The following GAREM1 variants were observed in gnomAD, a reference collection of about 807,000 sequenced individuals.
GAREM1 encodes the protein GRB2 associated regulator of MAPK1 subtype 1.
A neutral mutation model predicts 71.3 loss-of-function variants in GAREM1; 26 were observed. That is an observed-to-expected ratio of 0.36 (90% CI 0.27 to 0.51). GAREM1 has a LOEUF of 0.51. Ranked by LOEUF, GAREM1 falls within the 20% of genes least tolerant of loss-of-function variation. GAREM1 has a pLI of 0.95. For synonymous variants in GAREM1, 440 were observed against 433.2 expected, an observed-to-expected ratio of 1.02 and a Z score of -0.20; for missense variants, 1,026 against 1,103.1, an observed-to-expected ratio of 0.93 and a Z score of 0.99.
At chr18:32,461,340 T>C (rs1212347094) in intron 1 of GAREM1, among the ~76,000 whole-genome samples, 1 of 152,176 alleles carries the variant, frequency 6.6e-6, no homozygotes, top group Non-Finnish European at 1.5e-5. Flanking sequence ...GCAATTCTTA[T>C]GAAACTGGGA....
At chr18:32,366,722 G>A (rs1186724509) in intron 2 of GAREM1, among the ~76,000 whole-genome samples, 2 of 152,222 alleles carry the variant, frequency 1.3e-5, no homozygotes, top group Non-Finnish European at 2.9e-5. Context: ...GGGCAGTTAT[G>A]CAATAAAGAG....
rs550406036 is a variant in GAREM1 at position 32,412,112 on chromosome 18, C to T, written c.122-19077G>A. ...ACATGTCTTCTTTGTAGCAGCTAGG[C>T]CCTGCCACCACTGTGCTTGGCTGAG... On this transcript the variant is annotated intron_variant, in intron 1 of 5. Transcript: ENST00000269209. The T allele has an allele frequency of 7.5e-6, 6 of 799,294 alleles. No homozygotes were observed. In the African/African-American group the frequency reaches 1.0e-4, roughly 13 times the overall value. The allele number at this position is 799,294 out of a possible 1,614,324, so 49.5% of individuals were successfully genotyped here.
chr18:32,368,727 T>C (rs897139952), intron 2 of GAREM1, among the ~76,000 whole-genome samples: 13 of 152,242 alleles, frequency 8.5e-5, no homozygotes, highest in Non-Finnish European at 1.2e-4. Context: ...CTTTTCTAGC[T>C]CATTCTTTCA....
intron 2 of GAREM1, among the ~76,000 whole-genome samples, chr18:32,351,957 T>C (rs2144593466): frequency 6.6e-6 from 1 of 152,312 alleles, no homozygotes; most frequent in African/African-American, 2.4e-5. Flanking sequence ...TGAAAGACAT[T>C]TTTGGTACAA....
In GAREM1 at chr18:32,412,375, T is replaced by A. The variant is rs1207856878; in HGVS notation, c.122-19340A>T. The A allele has an allele frequency of 2.5e-6, 4 of 1,590,322 alleles. No homozygotes were observed. The East Asian group carries it at 8.9e-5, about 35-fold the overall frequency. On this transcript the variant is annotated intron_variant, in intron 1 of 5. Coordinates refer to ENST00000269209, the MANE Select transcript of GAREM1 (RefSeq NM_001242409.2). ...ATGGGTCCAAAATTTGAAGACTGAT[T>A]GTTGTAATTGCCAAAATCATTGTAG... is the stretch of plus-strand genomic sequence containing the variant.
chr18:32,429,562 C>T (rs969553870), intron 1 of GAREM1, among the ~76,000 whole-genome samples: 18 of 152,108 alleles, frequency 1.2e-4, no homozygotes, highest in Non-Finnish European at 1.8e-4. Context: ...GTTGCTACCA[C>T]GATATTTTTG....
At chr18:32,312,761 T>C (rs1334919432) in intron 2 of GAREM1, among the ~76,000 whole-genome samples, 1 of 151,902 alleles carries the variant, frequency 6.6e-6, no homozygotes, top group Non-Finnish European at 1.5e-5. Context: ...ACAGGAGAAA[T>C]GATTGGAACC....
intron 1 of GAREM1, among the ~76,000 whole-genome samples, chr18:32,401,192 G>C (rs976337109): frequency 1.1e-4 from 16 of 152,208 alleles, no homozygotes; most frequent in Non-Finnish European, 1.9e-4. Context: ...GGGGGGAGAG[G>C]GGAGGGATAG....
At chr18:32,351,909 T>A (rs2047757126) in intron 2 of GAREM1, among the ~76,000 whole-genome samples, 1 of 152,190 alleles carries the variant, frequency 6.6e-6, no homozygotes. Context: ...TCAGCATAGG[T>A]ACACAACTGT....
chr18:32,427,501 G>T (rs1350213470), intron 1 of GAREM1, among the ~76,000 whole-genome samples: 1 of 152,170 alleles, frequency 6.6e-6, no homozygotes, highest in Non-Finnish European at 1.5e-5. Flanking sequence ...TTGCAATGGT[G>T]ATGTTTGAGG....
At chr18:32,306,959 T>A (rs941556411) in intron 3 of GAREM1, among the ~76,000 whole-genome samples, 1 of 152,190 alleles carries the variant, frequency 6.6e-6, no homozygotes, top group African/African-American at 2.4e-5. Flanking sequence ...TTTAAACACA[T>A]CAAGGTATCT....
intron 3 of GAREM1, among the ~76,000 whole-genome samples, chr18:32,292,765 G>C (rs781643298): frequency 7.2e-5 from 11 of 152,128 alleles, no homozygotes; most frequent in Non-Finnish European, 1.6e-4. Flanking sequence ...AAATCTGTTT[G>C]CTTTATAAAT....
intron 1 of GAREM1, among the ~76,000 whole-genome samples, chr18:32,462,122 G>C (rs1214447898): frequency 3.3e-5 from 5 of 152,184 alleles, no homozygotes; most frequent in Non-Finnish European, 5.9e-5. Flanking sequence ...ATTTCCTTTG[G>C]ATATACACCT....
chr18:32,426,602 A>G (rs958964688), intron 1 of GAREM1, among the ~76,000 whole-genome samples: 3 of 151,956 alleles, frequency 2.0e-5, no homozygotes, highest in African/African-American at 4.8e-5. Context: ...TATCACTACC[A>G]TTTTCTTTTT....
chr18:32,313,061 CA>C (rs1261991287), intron 2 of GAREM1, among the ~76,000 whole-genome samples: 1 of 152,084 alleles, frequency 6.6e-6, no homozygotes, highest in Non-Finnish European at 1.5e-5. Context: ...AAAGTAAAAC[CA>C]CAGAGTACAG....
intron 2 of GAREM1, among the ~76,000 whole-genome samples, chr18:32,313,799 A>T (rs1015784930): frequency 6.6e-6 from 1 of 152,188 alleles, no homozygotes; most frequent in Non-Finnish European, 1.5e-5. Context: ...CTTTGGGGCA[A>T]AAAATAGAGC....
Position 32,268,426 on chromosome 18 carries a change from G to A in GAREM1, c.2076C>T (p.Val692=). 2.5e-6 allele frequency: 4 copies of A among 1,614,190 alleles called. No individual in the cohort carries two copies. Among genetic ancestry groups the A allele is most frequent in the Non-Finnish European group, 3.4e-6 (4 of 1,180,028 alleles). ...SPVTAEFSSS[V]SGCPKSASYS... is the part of the protein sequence containing the mutation. The stretch of plus-strand genomic sequence containing the variant: ...AGCTGGCTGACTTGGGACAACCAGA[G>A]ACGCTGCTACTGAATTCTGCAGTGA... Residue 692 remains valine, a synonymous_variant, in exon 6 of 6, where the codon GTC becomes GTT. Coordinates refer to ENST00000269209, the MANE Select transcript of GAREM1 (RefSeq NM_001242409.2).
chr18:32,405,179 TTC>T (rs1406807353), intron 1 of GAREM1, among the ~76,000 whole-genome samples: 1 of 152,134 alleles, frequency 6.6e-6, no homozygotes, highest in African/African-American at 2.4e-5. Flanking sequence ...ACCACTGTAC[TTC>T]TCTTACAATT....
chr18:32,270,301 G>C lies in GAREM1; in HGVS notation c.1649C>G (p.Pro550Arg). ...AKPLSTSPSI[P>R]PRTVKPARQQ... ...CCGCGCTGGCTTGACTGTGCGAGGA[G>C]GGATGGAGGGACTGGTGGACAAAGG... Residue 550 changes from proline to arginine, a missense_variant, in exon 5 of 6, where the codon CCT becomes CGT. Pro to Arg is a moderately radical substitution (Grantham distance 103). Transcript: ENST00000269209. 1 of 1,614,052 alleles carries C rather than the reference G, an allele frequency of 6.2e-7. No individual in the cohort carries two copies. Among genetic ancestry groups the C allele is most frequent in the Non-Finnish European group, 8.5e-7 (1 of 1,179,970 alleles).
Sources: gnomAD v4.1 joint callset for allele counts (sites outside exome capture counted in the v4.1 genomes callset) on GRCh38, gnomAD v4.1.1 for gene constraint, MANE v1.5 for transcripts, NCBI Gene and HGNC (gene_info 2026-07-23, HGNC 2026-07-21) for gene names.